The following A2ML1 variants were observed in gnomAD, a reference collection of about 807,000 sequenced individuals.
The protein encoded by A2ML1 is alpha-2-macroglobulin-like protein 1.
In A2ML1, 161 loss-of-function variants were observed where a neutral mutation model predicts 181.9. The observed-to-expected ratio is 0.89, with a 90% CI of 0.78 to 1.01. A2ML1 has a LOEUF of 1.01. A2ML1 is among the 50% of genes least tolerant of loss of function. A2ML1 has a pLI of 0.00. For synonymous variants in A2ML1, 663 were observed against 666.8 expected (o/e 0.99, Z 0.09); for missense variants, 1,670 against 1,768.1 (o/e 0.94, Z 1.00).
At position 8,834,653 on chromosome 12, in the gene A2ML1, C is replaced by T. The variant is rs11047493; in HGVS notation, c.463-9C>T. 1 of 1,614,028 alleles carries T rather than the reference C, an allele frequency of 6.2e-7. No homozygotes were observed. The highest frequency in any genetic ancestry group is 8.5e-7 in the Non-Finnish European group (1 of 1,179,998). On this transcript the variant is annotated splice_polypyrimidine_tract_variant and intron_variant, in intron 4 of 35. Coordinates refer to ENST00000299698, the MANE Select transcript of A2ML1 (RefSeq NM_144670.6). ...TCTTTAACCCGCATTATCTGGTTTT[C>T]CTTTTCAGTACTCCATGGTGGAACT...
intron 10 of A2ML1, 40 bp from the exon 11 acceptor site, chr12:8,841,329 C>G (rs1362438236): frequency 6.3e-7 from 1 of 1,593,062 alleles, no homozygotes; most frequent in Admixed American, 1.7e-5. Flanking sequence ...CAAGCTTACT[C>G]CAAACCTAAT....
At chr12:8,844,255 A>G (rs1222602321) in intron 12 of A2ML1, among the ~76,000 whole-genome samples, 2 of 148,938 alleles carry the variant, frequency 1.3e-5, no homozygotes, top group Non-Finnish European at 1.5e-5. Context: ...GATGGGACTC[A>G]GGATACTTTT....
chr12:8,871,715 T>A (rs1944627718), intron 33 of A2ML1, among the ~76,000 whole-genome samples: 2 of 152,168 alleles, frequency 1.3e-5, no homozygotes, highest in South Asian at 2.1e-4. Context: ...TATGAACATA[T>A]CTTCTTATTA....
At chr12:8,875,173 C>A (rs1013892993) in intron 35 of A2ML1, among the ~76,000 whole-genome samples, 161 bp downstream of exon 35, 3 of 151,812 alleles carry the variant, frequency 2.0e-5, no homozygotes, top group African/African-American at 7.3e-5. Context: ...CACTTCCCAG[C>A]TTCAAGCGAT....
intron 32 of A2ML1, 89 bp from the exon 33 acceptor site, chr12:8,869,046 T>C: frequency 7.8e-7 from 1 of 1,286,850 alleles, no homozygotes; most frequent in South Asian, 1.2e-5. Flanking sequence ...CAGTATATAT[T>C]GTTTCCTTGA....
rs948500211 is a variant in A2ML1, at chr12:8,858,169, A to C, written c.3264+67A>C. Reference sequence around the variant, plus strand: ...AAGGACCCCACACCTCTGACCGAGTAGAAGCAAAAGAGCACTGGCCTGGGA... The same window carrying C: ...AAGGACCCCACACCTCTGACCGAGTCGAAGCAAAAGAGCACTGGCCTGGGA... On this transcript the variant is annotated intron_variant, in intron 26 of 35. Transcript: ENST00000299698. The C allele has an allele frequency of 6.5e-6, 10 of 1,528,314 alleles. No individual in the cohort carries two copies. In the Admixed American group the frequency reaches 1.5e-4, roughly 23 times the overall value. The allele number at this position is 1,528,314 out of a possible 1,614,324, so 94.7% of individuals were successfully genotyped here. A position where few individuals can be genotyped will look rare whatever the true frequency, so the allele number is the denominator to read the frequency against.
downstream of A2ML1, among the ~76,000 whole-genome samples, chr12:8,877,662 C>T (rs896566063): frequency 6.6e-6 from 1 of 152,058 alleles, no homozygotes; most frequent in African/African-American, 2.4e-5. Context: ...GTTAGAATGG[C>T]TATTATTAAA....
chr12:8,823,118 G>A lies in A2ML1; in HGVS notation c.63-64G>A, dbSNP rs776752364. ...ACTGCTACTTGCTGAGCGCTTAGGA[G>A]AGTGCTGGATTTTTCGAGTGAATGA... On this transcript the variant is annotated intron_variant, in intron 1 of 35. Coordinates refer to ENST00000299698, the MANE Select transcript of A2ML1 (RefSeq NM_144670.6). 1.5e-5 allele frequency: 22 copies of A among 1,509,376 alleles called. No homozygotes were observed. The South Asian group carries it at 2.6e-4, about 18-fold the overall frequency. The allele number at this position is 1,509,376 out of a possible 1,614,324, so 93.5% of individuals were successfully genotyped here.
At chr12:8,882,565 C>T (rs1213186032) in intron 7 of A2ML1, among the ~76,000 whole-genome samples, 1 of 152,134 alleles carries the variant, frequency 6.6e-6, no homozygotes, top group Non-Finnish European at 1.5e-5. Context: ...CAGAACATTC[C>T]TCCACCCCTA....
At chr12:8,872,675 T>C (rs1944666538) in intron 33 of A2ML1, among the ~76,000 whole-genome samples, 1 of 151,476 alleles carries the variant, frequency 6.6e-6, no homozygotes, top group Non-Finnish European at 1.5e-5. Flanking sequence ...TCCCAGCTAC[T>C]TGAGAGGCTG....
intron 4 of A2ML1, among the ~76,000 whole-genome samples, chr12:8,833,520 C>T (rs150895392): frequency 1.5e-3 from 234 of 152,226 alleles, no homozygotes; most frequent in African/African-American, 5.2e-3. Context: ...CCTCAGCCTC[C>T]GGAGTAGCTG....
rs1337231452 is a variant in A2ML1 at position 8,864,341 on chromosome 12, C to T, written c.3717+333C>T. Among the ~76,000 whole-genome samples the T allele has an allele frequency of 1.6e-3, 22 of 13,812 alleles. 11 individuals are homozygous for T. The highest frequency in any genetic ancestry group is 1.7e-3 in the African/African-American group (22 of 12,974). The allele number at this position is 13,812 out of a possible 152,430, so 9.1% of individuals were successfully genotyped here. A position where few individuals can be genotyped will look rare whatever the true frequency, so the allele number is the denominator to read the frequency against. On this transcript the variant is annotated intron_variant, in intron 29 of 35. Coordinates refer to ENST00000299698, the MANE Select transcript of A2ML1 (RefSeq NM_144670.6). The stretch of plus-strand genomic sequence containing the variant: ...CAGTCTGGCCAACATGATGAAACCC[C>T]ATCTCTACTAAAAATACAAAAATTA...
At chr12:8,830,108 A>G (rs896843871) in intron 4 of A2ML1, among the ~76,000 whole-genome samples, 2 of 152,074 alleles carry the variant, frequency 1.3e-5, no homozygotes, top group Admixed American at 6.6e-5. Flanking sequence ...CTGGAGTGCA[A>G]TGGCGTGACC....
chr12:8,828,030 T>A (rs985080091), intron 3 of A2ML1, among the ~76,000 whole-genome samples: 1 of 152,080 alleles, frequency 6.6e-6, no homozygotes, highest in Non-Finnish European at 1.5e-5. Context: ...GCCACCAGCA[T>A]TGGGACTGCA....
Position 8,823,844 on chromosome 12 carries a change from T to C in A2ML1, c.371T>C (p.Val124Ala), listed in dbSNP as rs1253695951. Residue 124 changes from valine (V) to alanine (A), a missense_variant, in exon 3 of 36, where the codon GTA becomes GCA. Val to Ala is a moderately conservative substitution (Grantham distance 64). Transcript: ENST00000299698. ...CAGAGGCAGGGGAACGGCACCTTTG[T>C]ACAGACTGACAAACCTCTCTACACC... ...LIQRQGNGTF[V>A]QTDKPLYTPG... The C allele has an allele frequency of 6.2e-7, 1 of 1,613,928 alleles. No individual in the cohort carries two copies. The highest frequency in any genetic ancestry group is 1.7e-5 in the Admixed American group (1 of 59,996).
rs1337564228 is a variant in A2ML1, at chr12:8,865,096, CG to C, written c.3717+1091del. On this transcript the variant is annotated intron_variant, in intron 29 of 35. Coordinates refer to ENST00000299698, the MANE Select transcript of A2ML1 (RefSeq NM_144670.6). ...ACATGTTCCTGTAGTCCCAGCTACT[CG>C]GGAGGCTGAGGCAGAAGAATTGCTT... Among the ~76,000 whole-genome samples the C allele has an allele frequency of 2.0e-4, 3 of 15,112 alleles. 1 individual carries two copies. The highest frequency in any genetic ancestry group is 2.1e-4 in the African/African-American group (3 of 14,200). The allele number at this position is 15,112 out of a possible 152,430, so 9.9% of individuals were successfully genotyped here. A position where few individuals can be genotyped will look rare whatever the true frequency, so the allele number is the denominator to read the frequency against.
rs745715080 is a variant in A2ML1 at position 8,861,217 on chromosome 12, C to T, written c.3422C>T (p.Ala1141Val). ...TTNLYTQALL[A>V]YIFSLAGEMD... Reference sequence around the variant, plus strand: ...AACCTCTACACACAGGCCCTGTTGGCTTACATTTTCTCCCTGGCTGGGGAA... The same window carrying T: ...AACCTCTACACACAGGCCCTGTTGGTTTACATTTTCTCCCTGGCTGGGGAA... Residue 1141 changes from alanine to valine, a missense_variant, in exon 28 of 36, where the codon GCT becomes GTT. Coordinates refer to ENST00000299698, the MANE Select transcript of A2ML1 (RefSeq NM_144670.6). 2.3e-5 allele frequency: 37 copies of T among 1,614,030 alleles called. 2 individuals carry two copies. In the South Asian group the frequency reaches 4.1e-4, roughly 18 times the overall value.
intron 9 of A2ML1, 107 bp from the exon 10 acceptor site, chr12:8,839,006 C>T (rs768639762): frequency 3.2e-6 from 2 of 628,872 alleles, no homozygotes; most frequent in South Asian, 2.3e-5. Flanking sequence ...GCCAGAAATA[C>T]ATTCAACTTC....
intron 28 of A2ML1, 127 bp from the exon 29 acceptor site, chr12:8,863,667 A>T: frequency 1.1e-6 from 1 of 871,342 alleles, no homozygotes. Flanking sequence ...AATCTAAGAA[A>T]TTTTTTTTCT....
Sources: allele counts gnomAD v4.1 joint callset (sites outside exome capture counted in the v4.1 genomes callset), GRCh38; gene constraint gnomAD v4.1.1; transcripts MANE v1.5; gene names NCBI Gene and HGNC (gene_info 2026-07-23, HGNC 2026-07-21).